The following ADGRG6 variants were observed in gnomAD, a reference collection of about 807,000 sequenced individuals.
ADGRG6 encodes the protein adhesion G protein-coupled receptor G6, also known as G-protein coupled receptor 126.
A neutral mutation model predicts 142.4 loss-of-function variants in ADGRG6; 84 were observed. The ratio of observed to expected loss-of-function variants is 0.59; its 90% CI spans 0.49 to 0.71. The LOEUF (loss-of-function observed/expected upper bound fraction) is 0.71. Ranked by LOEUF, ADGRG6 falls within the 30% of genes least tolerant of loss-of-function variation. The probability of loss-of-function intolerance (pLI) is 0.00; values close to 1 mark genes in which losing one functional copy is unlikely to be tolerated. For synonymous variants in ADGRG6, 521 were observed against 520.5 expected (o/e 1.00, Z -0.01); for missense variants, 1,367 against 1,466.6 (o/e 0.93, Z 1.11).
intron 2 of ADGRG6, among the ~76,000 whole-genome samples, chr6:142,328,115 C>G (rs1778867065): frequency 6.6e-6 from 1 of 152,116 alleles, no homozygotes; most frequent in African/African-American, 2.4e-5. Context: ...TTGTTTTTTC[C>G]ATTATCTTGG....
chr6:142,412,930 C>T (rs77479593), intron 18 of ADGRG6, among the ~76,000 whole-genome samples: 8,209 of 152,060 alleles, frequency 0.054, 479 homozygotes, highest in African/African-American at 0.15. Flanking sequence ...TGCCTGCCCA[C>T]GACTTCATAT....
chr6:142,392,830 TCTTCAGGATTTTC>T, intron 7 of ADGRG6, 105 bp from the exon 8 acceptor site: 2 of 674,386 alleles, frequency 3.0e-6, no homozygotes, highest in Admixed American at 5.1e-5. Flanking sequence ...CTCCTCCAAC[TCTTCAGGATTTTC>T]CCAGGGTCTT....
At chr6:142,441,473 T>C (rs1777753107) in intron 24 of ADGRG6, among the ~76,000 whole-genome samples, 1 of 152,182 alleles carries the variant, frequency 6.6e-6, no homozygotes, top group African/African-American at 2.4e-5. Flanking sequence ...AAAGTCTTTA[T>C]TACCCATAAT....
At chr6:142,314,971 A>T (rs1280875206) in intron 2 of ADGRG6, among the ~76,000 whole-genome samples, 1 of 144,986 alleles carries the variant, frequency 6.9e-6, no homozygotes, top group Non-Finnish European at 1.5e-5. Context: ...CCAATCATGG[A>T]GTGTGTGTGT....
At chr6:142,394,145 A>G (rs1198620456) in intron 9 of ADGRG6, among the ~76,000 whole-genome samples, 187 bp downstream of exon 9, 1 of 152,186 alleles carries the variant, frequency 6.6e-6, no homozygotes, top group Non-Finnish European at 1.5e-5. Flanking sequence ...ACTGGGTAGT[A>G]ATGTATATCC....
intron 22 of ADGRG6, among the ~76,000 whole-genome samples, chr6:142,436,497 GAGA>G (rs1777493034): frequency 2.0e-5 from 3 of 152,116 alleles, no homozygotes; most frequent in Non-Finnish European, 4.4e-5. Context: ...GGACTGGGTG[GAGA>G]AGATAAGGTG....
intron 20 of ADGRG6, among the ~76,000 whole-genome samples, chr6:142,416,485 G>A (rs1414723926): frequency 1.3e-5 from 2 of 152,294 alleles, no homozygotes; most frequent in African/African-American, 2.4e-5. Flanking sequence ...TTATTCTTGC[G>A]TGTGCAACCA....
intron 2 of ADGRG6, among the ~76,000 whole-genome samples, chr6:142,356,319 A>G (rs1394830853): frequency 6.6e-6 from 1 of 152,214 alleles, no homozygotes; most frequent in Non-Finnish European, 1.5e-5. Context: ...AGCCAGCAAT[A>G]TTCAAAATAG....
intron 2 of ADGRG6, among the ~76,000 whole-genome samples, chr6:142,313,844 C>G (rs1273445081): frequency 6.6e-6 from 1 of 151,974 alleles, no homozygotes; most frequent in Non-Finnish European, 1.5e-5. Context: ...GGTCAGAGGA[C>G]TTTCAAATGT....
chr6:142,422,940 T>A (rs909357635), intron 22 of ADGRG6, among the ~76,000 whole-genome samples: 1 of 151,320 alleles, frequency 6.6e-6, no homozygotes, highest in Admixed American at 6.6e-5. Flanking sequence ...TTTTCATGTG[T>A]TCTTTGGCTG....
At chr6:142,429,371 A>G (rs2115152571) in intron 22 of ADGRG6, among the ~76,000 whole-genome samples, 1 of 152,330 alleles carries the variant, frequency 6.6e-6, no homozygotes, top group East Asian at 1.9e-4. Flanking sequence ...TAAAGAGATG[A>G]CCCACCAATT....
At chr6:142,314,978 G>A (rs1777960390) in intron 2 of ADGRG6, among the ~76,000 whole-genome samples, 1 of 150,742 alleles carries the variant, frequency 6.6e-6, no homozygotes, top group African/African-American at 2.4e-5. Context: ...TGGAGTGTGT[G>A]TGTGTGTGTG....
intron 2 of ADGRG6, among the ~76,000 whole-genome samples, chr6:142,318,972 G>C (rs558952651): frequency 6.6e-6 from 1 of 152,174 alleles, no homozygotes; most frequent in South Asian, 2.1e-4. Flanking sequence ...AGTAAGATTT[G>C]TGCAATTGCA....
intron 10 of ADGRG6, among the ~76,000 whole-genome samples, chr6:142,399,800 A>G (rs1294497800): frequency 6.6e-6 from 1 of 152,202 alleles, no homozygotes; most frequent in Non-Finnish European, 1.5e-5. Flanking sequence ...ACTAATGCTC[A>G]GTACTGAAAT....
chr6:142,319,151 C>T (rs1327228187), intron 2 of ADGRG6, among the ~76,000 whole-genome samples: 1 of 152,136 alleles, frequency 6.6e-6, no homozygotes, highest in African/African-American at 2.4e-5. Flanking sequence ...TGGTGAACAG[C>T]CCTGACACAC....
At chr6:142,313,576 A>G (rs554326425) in intron 2 of ADGRG6, among the ~76,000 whole-genome samples, 1 of 152,190 alleles carries the variant, frequency 6.6e-6, no homozygotes, top group African/African-American at 2.4e-5. Context: ...AACAGCTACC[A>G]GGGGAAATGT....
chr6:142,362,500 G>A lies in ADGRG6; in HGVS notation c.104-5069G>A, dbSNP rs547448162. 2.0e-5 allele frequency among the ~76,000 whole-genome samples: 3 copies of A among 152,178 alleles called. No individual in the cohort carries two copies. In the East Asian group the frequency reaches 5.8e-4, roughly 29 times the overall value. On this transcript the variant is annotated intron_variant, in intron 2 of 24. Coordinates refer to ENST00000367609, the MANE Select transcript of ADGRG6 (RefSeq NM_198569.3). ...TTAAGAAAGACCCTCCTCAAGTGTA[G>A]AAATGCTATTTTTGAGTGCAGAGCT...
At chr6:142,422,000 T>A (rs977079064) in intron 22 of ADGRG6, among the ~76,000 whole-genome samples, 4 of 152,178 alleles carry the variant, frequency 2.6e-5, no homozygotes, top group African/African-American at 9.6e-5. Context: ...ATGGTTTTTA[T>A]TGTTGAGTCA....
intron 2 of ADGRG6, among the ~76,000 whole-genome samples, chr6:142,329,320 A>G (rs1175097569): frequency 6.6e-6 from 1 of 152,172 alleles, no homozygotes; most frequent in African/African-American, 2.4e-5. Flanking sequence ...CTCATTAGCC[A>G]TATTTTTTCC....
Sources: gnomAD v4.1 joint callset for allele counts (sites outside exome capture counted in the v4.1 genomes callset) on GRCh38, gnomAD v4.1.1 for gene constraint, MANE v1.5 for transcripts, NCBI Gene and HGNC (gene_info 2026-07-23, HGNC 2026-07-21) for gene names.